The following LRRC4C variants were observed in gnomAD, a reference collection of about 807,000 sequenced individuals.
The protein encoded by LRRC4C is leucine-rich repeat-containing protein 4C.
LRRC4C carries 5 observed loss-of-function variants against 33.6 expected under a neutral mutation model. The observed-to-expected ratio is 0.15, with a 90% CI of 0.08 to 0.31. The LOEUF (loss-of-function observed/expected upper bound fraction) is 0.31, where lower values mean the gene tolerates loss of function less well. LRRC4C is among the 10% of genes least tolerant of loss of function. LRRC4C has a pLI of 1.00. For synonymous variants in LRRC4C, 329 were observed against 302.0 expected, an observed-to-expected ratio of 1.09 and a Z score of -0.93; for missense variants, 560 against 796.7, an observed-to-expected ratio of 0.70 and a Z score of 3.58.
chr11:40,558,140 G>C (rs1957402517), intron 3 of LRRC4C, among the ~76,000 whole-genome samples: 1 of 152,066 alleles, frequency 6.6e-6, no homozygotes, highest in South Asian at 2.1e-4. Flanking sequence ...CAAATACAAA[G>C]ATTCAAACAG....
At chr11:40,859,825 C>T (rs527701031) in intron 2 of LRRC4C, among the ~76,000 whole-genome samples, 114 of 152,194 alleles carry the variant, frequency 7.5e-4, no homozygotes, top group Middle Eastern at 3.4e-3. Context: ...GCCTGTAATC[C>T]CAGCACTTTG....
At chr11:40,764,757 G>A (rs1435314971) in intron 2 of LRRC4C, among the ~76,000 whole-genome samples, 1 of 152,094 alleles carries the variant, frequency 6.6e-6, no homozygotes, top group African/African-American at 2.4e-5. Flanking sequence ...ATTTTTAGGG[G>A]GGGAACATAT....
intron 6 of LRRC4C, among the ~76,000 whole-genome samples, chr11:40,129,466 C>T (rs1856496710): frequency 6.6e-6 from 1 of 152,028 alleles, no homozygotes; most frequent in Non-Finnish European, 1.5e-5. Context: ...CCAAACAATG[C>T]CCTCTGCTGT....
At chr11:40,829,799 G>T (rs1009018798) in intron 2 of LRRC4C, among the ~76,000 whole-genome samples, 2 of 151,964 alleles carry the variant, frequency 1.3e-5, no homozygotes, top group African/African-American at 4.8e-5. Context: ...AGGTGCTGGA[G>T]CTGTAAAACT....
chr11:41,284,758 G>T (rs1234833508), intron 1 of LRRC4C, among the ~76,000 whole-genome samples: 1 of 152,166 alleles, frequency 6.6e-6, no homozygotes, highest in African/African-American at 2.4e-5. Flanking sequence ...GTTTGAACAT[G>T]TGTATGTTGA....
At chr11:41,217,177 C>T (rs567564928) in intron 1 of LRRC4C, among the ~76,000 whole-genome samples, 17 of 152,226 alleles carry the variant, frequency 1.1e-4, no homozygotes, top group South Asian at 6.2e-4. Context: ...AACAACACCG[C>T]GTAGTTCTTC....
chr11:41,078,712 G>A (rs890958018), intron 1 of LRRC4C, among the ~76,000 whole-genome samples: 1 of 152,120 alleles, frequency 6.6e-6, no homozygotes, highest in East Asian at 1.9e-4. Flanking sequence ...ATTACAATTT[G>A]AGATGAGATT....
At chr11:40,240,786 A>G (rs1326839192) in intron 5 of LRRC4C, among the ~76,000 whole-genome samples, 1 of 152,056 alleles carries the variant, frequency 6.6e-6, no homozygotes, top group Non-Finnish European at 1.5e-5. Flanking sequence ...GAGTAACACA[A>G]TATAGGTAAT....
At chr11:40,534,613 T>C (rs893825868) in intron 3 of LRRC4C, among the ~76,000 whole-genome samples, 9 of 152,166 alleles carry the variant, frequency 5.9e-5, no homozygotes, top group African/African-American at 1.9e-4. Context: ...TCTCAATAAA[T>C]GTTAGCAACT....
chr11:40,179,258 C>A (rs1860779420), intron 5 of LRRC4C, among the ~76,000 whole-genome samples: 1 of 152,084 alleles, frequency 6.6e-6, no homozygotes, highest in South Asian at 2.1e-4. Flanking sequence ...CCCATCTCAA[C>A]TTCTCAAATT....
At chr11:40,124,879 C>T (rs959272052) in intron 6 of LRRC4C, among the ~76,000 whole-genome samples, 4 of 151,998 alleles carry the variant, frequency 2.6e-5, no homozygotes, top group Admixed American at 1.3e-4. Context: ...GTGATTATTA[C>T]GCATTGTATG....
Position 40,525,053 on chromosome 11 carries a change from C to CA in LRRC4C, c.-270+123088dup, listed in dbSNP as rs1284815649. Among the ~76,000 whole-genome samples, 10 of 129,464 alleles carry CA rather than the reference C, an allele frequency of 7.7e-5. 1 individual carries two copies. The East Asian group carries it at 3.5e-3, about 45-fold the overall frequency. The allele number at this position is 129,464 out of a possible 152,430, so 84.9% of individuals were successfully genotyped here. ...AGGCAAAGGCAAGAATACAGCATAG[C>CA]AAGAAGAAGAATAGTAAGAAAACAA... On this transcript the variant is annotated intron_variant, in intron 3 of 6. Coordinates refer to ENST00000528697, the MANE Select transcript of LRRC4C (RefSeq NM_001258419.2).
At chr11:40,500,649 G>A (rs1457668017) in intron 3 of LRRC4C, among the ~76,000 whole-genome samples, 6 of 152,030 alleles carry the variant, frequency 3.9e-5, no homozygotes, top group South Asian at 2.1e-4. Flanking sequence ...GGTACAGTAC[G>A]GGAGAAACTG....
intron 5 of LRRC4C, among the ~76,000 whole-genome samples, chr11:40,160,792 C>T (rs1475013144): frequency 1.3e-5 from 2 of 152,148 alleles, no homozygotes; most frequent in African/African-American, 4.8e-5. Context: ...AAGCTATTCT[C>T]CTTACTTCTC....
At chr11:41,069,421 G>A (rs1938512701) in intron 1 of LRRC4C, among the ~76,000 whole-genome samples, 1 of 152,276 alleles carries the variant, frequency 6.6e-6, no homozygotes, top group Admixed American at 6.5e-5. Flanking sequence ...TCTGGCCAGG[G>A]CAATCAGGCA....
intron 1 of LRRC4C, among the ~76,000 whole-genome samples, chr11:41,210,453 C>T (rs1245678055): frequency 5.3e-5 from 8 of 152,164 alleles, no homozygotes; most frequent in Admixed American, 5.2e-4. Context: ...CTCTTTCTGC[C>T]ATGATTGTGA....
rs186483058 is a variant in LRRC4C, at chr11:41,238,180, T to C, written c.-496+221251A>G. Reference sequence around the variant, plus strand: ...TAATGTGCTCATTAGAGATCTTTTCTCCATTATTTACTCCACTGAATTTTG... The same window carrying C: ...TAATGTGCTCATTAGAGATCTTTTCCCCATTATTTACTCCACTGAATTTTG... On this transcript the variant is annotated intron_variant, in intron 1 of 6. Transcript: ENST00000528697. Among the ~76,000 whole-genome samples the C allele has an allele frequency of 7.1e-4, 108 of 152,298 alleles. 1 individual carries two copies. The highest frequency in any genetic ancestry group is 2.5e-3 in the African/African-American group (105 of 41,576).
chr11:40,615,683 C>T (rs1379088301), intron 3 of LRRC4C, among the ~76,000 whole-genome samples: 1 of 151,670 alleles, frequency 6.6e-6, no homozygotes, highest in Non-Finnish European at 1.5e-5. Context: ...TTAAAATTCG[C>T]TTTAATTGGT....
chr11:40,688,960 T>G (rs1465240040), intron 2 of LRRC4C, among the ~76,000 whole-genome samples: 2 of 152,092 alleles, frequency 1.3e-5, no homozygotes, highest in African/African-American at 4.8e-5. Context: ...GAGAATGATA[T>G]TCTAGCTTTG....
Sources: allele counts gnomAD v4.1 joint callset (sites outside exome capture counted in the v4.1 genomes callset), GRCh38; gene constraint gnomAD v4.1.1; transcripts MANE v1.5; gene names NCBI Gene and HGNC (gene_info 2026-07-23, HGNC 2026-07-21).